The following CDH8 variants were observed in gnomAD, a reference collection of about 807,000 sequenced individuals.
CDH8 encodes cadherin-8.
In CDH8, 17 loss-of-function variants were observed where a neutral mutation model predicts 68.1. The observed-to-expected ratio is 0.25, with a 90% CI of 0.17 to 0.37. CDH8 has a LOEUF of 0.37. CDH8 is among the 10% of genes least tolerant of loss of function. The pLI is 1.00. For missense variants in CDH8, 763 were observed against 999.3 expected, an observed-to-expected ratio of 0.76 and a Z score of 3.19; for synonymous variants, 372 against 365.1, an observed-to-expected ratio of 1.02 and a Z score of -0.21.
At chr16:61,760,705 T>C (rs1960442932) in intron 8 of CDH8, among the ~76,000 whole-genome samples, 3 of 151,708 alleles carry the variant, frequency 2.0e-5, no homozygotes, top group Admixed American at 2.0e-4. Context: ...ACTAAAATAC[T>C]TTTAGCAGAT....
rs1180609957 is a variant in CDH8, at chr16:61,652,825, T to C, written c.*783A>G. ...ATAAAACCATCTGTCTCTTATGTAG[T>C]CCACTGTGTGATACAGTTTATCTTT... On this transcript the variant is annotated 3_prime_UTR_variant, in exon 12 of 12. Coordinates refer to ENST00000577390, the MANE Select transcript of CDH8 (RefSeq NM_001796.5). The C allele has an allele frequency of 6.7e-7, 1 of 1,485,534 alleles. No homozygotes were observed. Among genetic ancestry groups the C allele is most frequent in the Non-Finnish European group, 8.9e-7 (1 of 1,121,038 alleles). 92.0% of individuals were successfully genotyped at this position (1,485,534 alleles called of 1,614,324 possible).
At chr16:61,815,701 G>C (rs1331072617) in intron 7 of CDH8, among the ~76,000 whole-genome samples, 5 of 152,082 alleles carry the variant, frequency 3.3e-5, no homozygotes, top group Admixed American at 3.3e-4. Flanking sequence ...GTCAAATCAA[G>C]CACTAAAACC....
chr16:61,713,964 AC>A lies in CDH8; in HGVS notation c.1537-7del. On this transcript the variant is annotated splice_polypyrimidine_tract_variant and splice_region_variant and intron_variant, in intron 9 of 11. Coordinates refer to ENST00000577390, the MANE Select transcript of CDH8 (RefSeq NM_001796.5). The stretch of plus-strand genomic sequence containing the variant: ...GCGCTAACAGTTTGAATGACCTGAA[AC>A]ATAAAACTTGACGTCAGCATTTCTG... The A allele has an allele frequency of 6.5e-7, 1 of 1,527,500 alleles. No individual in the cohort carries two copies. The highest frequency in any genetic ancestry group is 9.1e-7 in the Non-Finnish European group (1 of 1,102,060). 94.6% of individuals were successfully genotyped at this position (1,527,500 alleles called of 1,614,324 possible).
intron 6 of CDH8, among the ~76,000 whole-genome samples, chr16:61,818,400 T>A (rs998862889): frequency 3.9e-5 from 6 of 152,194 alleles, no homozygotes; most frequent in South Asian, 2.1e-4. Flanking sequence ...TGTGCACCGA[T>A]ACATATGTAT....
At position 61,902,943 on chromosome 16, in the gene CDH8, A is replaced by T. The variant is rs1189753454; in HGVS notation, c.253-1470T>A. Among the ~76,000 whole-genome samples the T allele has an allele frequency of 4.6e-5, 7 of 152,236 alleles. No homozygotes were observed. The East Asian group carries it at 1.3e-3, about 29-fold the overall frequency. On this transcript the variant is annotated intron_variant, in intron 2 of 11. Coordinates refer to ENST00000577390, the MANE Select transcript of CDH8 (RefSeq NM_001796.5). ...CTTAATGAATGTGGGATTATAATTCATTAATGTGATATTAATCCTAATTTA... is the reference window on the plus strand; with the variant it reads ...CTTAATGAATGTGGGATTATAATTCTTTAATGTGATATTAATCCTAATTTA...
At position 61,647,994 on chromosome 16, in the gene CDH8, G is replaced by A; in HGVS notation, c.*5614C>T. The A allele has an allele frequency of 1.6e-6, 1 of 614,990 alleles. No homozygotes were observed. Among genetic ancestry groups the A allele is most frequent in the Non-Finnish European group, 2.9e-6 (1 of 342,848 alleles). The allele number at this position is 614,990 out of a possible 1,614,324, so 38.1% of individuals were successfully genotyped here. On this transcript the variant is annotated 3_prime_UTR_variant, in exon 12 of 12. Coordinates refer to ENST00000577390, the MANE Select transcript of CDH8 (RefSeq NM_001796.5). ...TAGATGGTGGCAGGTAACTCAAGTT[G>A]GGGAAATAGTACCCAAAGGCACTAT...
chr16:62,009,025 C>CAT (rs1206114590), intron 2 of CDH8, among the ~76,000 whole-genome samples: 2 of 102,996 alleles, frequency 1.9e-5, no homozygotes, highest in Non-Finnish European at 4.6e-5. Flanking sequence ...GGTTCCTATA[C>CAT]ACACACAAAA....
chr16:62,021,734 C>T (rs542201199), intron 1 of CDH8, 132 bp from the exon 2 acceptor site: 1 of 423,350 alleles, frequency 2.4e-6, no homozygotes, highest in South Asian at 1.3e-4. Flanking sequence ...GAAAGTGGAT[C>T]TGAAGAATTA....
Position 61,652,987 on chromosome 16 carries a change from A to C in CDH8, c.*621T>G. The C allele has an allele frequency of 6.7e-7, 1 of 1,483,616 alleles. No homozygotes were observed. The highest frequency in any genetic ancestry group is 1.4e-5 in the South Asian group (1 of 73,620). The allele number at this position is 1,483,616 out of a possible 1,614,324, so 91.9% of individuals were successfully genotyped here. ...CCTGGAATGGATTACGAACATGTGAATATTTTAAGGCTCGACACAATATTT... is the reference window on the plus strand; with the variant it reads ...CCTGGAATGGATTACGAACATGTGACTATTTTAAGGCTCGACACAATATTT... On this transcript the variant is annotated 3_prime_UTR_variant, in exon 12 of 12. Coordinates refer to ENST00000577390, the MANE Select transcript of CDH8 (RefSeq NM_001796.5).
chr16:61,800,791 T>C (rs193053249), intron 7 of CDH8, among the ~76,000 whole-genome samples: 160 of 148,888 alleles, frequency 1.1e-3, no homozygotes, highest in African/African-American at 3.9e-3. Flanking sequence ...TATTATGTTT[T>C]CCTCTGCAAC....
intron 10 of CDH8, among the ~76,000 whole-genome samples, chr16:61,695,225 C>T (rs955473243): frequency 6.6e-6 from 1 of 152,120 alleles, no homozygotes; most frequent in South Asian, 2.1e-4. Flanking sequence ...GTTTCTCCTA[C>T]TTTCTTCTCC....
rs1375392521 is a variant in CDH8 at position 61,804,825 on chromosome 16, C to A, written c.1277+12654G>T. Among the ~76,000 whole-genome samples, 123 of 94,076 alleles carry A rather than the reference C, an allele frequency of 1.3e-3. 1 individual carries two copies. Among genetic ancestry groups the A allele is most frequent in the Non-Finnish European group, 1.9e-3 (99 of 50,776 alleles). 61.7% of individuals were successfully genotyped at this position (94,076 alleles called of 152,430 possible). A position where few individuals can be genotyped will look rare whatever the true frequency, so the allele number is the denominator to read the frequency against. On this transcript the variant is annotated intron_variant, in intron 7 of 11. Coordinates refer to ENST00000577390, the MANE Select transcript of CDH8 (RefSeq NM_001796.5). ...AAGGAGCTGAAATTGTGGCAATAAT[C>A]GATAGTTTACCAACCAAAAAGAGTC...
intron 10 of CDH8, among the ~76,000 whole-genome samples, chr16:61,665,314 G>T (rs565482737): frequency 6.6e-6 from 1 of 151,912 alleles, no homozygotes; most frequent in Non-Finnish European, 1.5e-5. Flanking sequence ...TTTAAAGAAA[G>T]TGTGGCACAT....
intron 3 of CDH8, among the ~76,000 whole-genome samples, chr16:61,861,774 T>A (rs925809681): frequency 3.4e-5 from 5 of 145,382 alleles, no homozygotes; most frequent in African/African-American, 1.3e-4. Flanking sequence ...TCCCTAATCT[T>A]TAAAAAGGAA....
intron 8 of CDH8, among the ~76,000 whole-genome samples, chr16:61,750,316 C>T (rs921503468): frequency 1.3e-5 from 2 of 152,060 alleles, no homozygotes; most frequent in Admixed American, 6.6e-5. Context: ...AGTAAAGAAG[C>T]ACAGGGTAAG....
intron 2 of CDH8, among the ~76,000 whole-genome samples, chr16:61,983,120 T>C (rs1025165616): frequency 2.6e-5 from 4 of 152,230 alleles, no homozygotes; most frequent in Non-Finnish European, 5.9e-5. Flanking sequence ...ATATACATAC[T>C]ACAGCATCCC....
intron 10 of CDH8, among the ~76,000 whole-genome samples, chr16:61,683,413 A>G (rs879257426): frequency 1.3e-5 from 2 of 152,028 alleles, no homozygotes; most frequent in Non-Finnish European, 2.9e-5. Context: ...TGTAAATAAG[A>G]ATACGATGAC....
intron 4 of CDH8, among the ~76,000 whole-genome samples, chr16:61,838,986 G>A (rs1029937752): frequency 4.5e-4 from 69 of 152,176 alleles, no homozygotes; most frequent in Admixed American, 2.6e-4. Flanking sequence ...CTTCTTGAAA[G>A]TACAGCATAA....
chr16:61,956,231 G>A (rs912757759), intron 2 of CDH8, among the ~76,000 whole-genome samples: 2 of 151,962 alleles, frequency 1.3e-5, no homozygotes, highest in African/African-American at 2.4e-5. Flanking sequence ...ATATCTACAC[G>A]CTGAAGTTAA....
Sources: gnomAD v4.1 joint callset for allele counts (sites outside exome capture counted in the v4.1 genomes callset) on GRCh38, gnomAD v4.1.1 for gene constraint, MANE v1.5 for transcripts, NCBI Gene and HGNC (gene_info 2026-07-23, HGNC 2026-07-21) for gene names.